The following COL28A1 variants were observed in gnomAD, a reference collection of about 807,000 sequenced individuals.
COL28A1 encodes the protein collagen type XXVIII alpha 1 chain, also known as collagen alpha-1(XXVIII) chain.
COL28A1 carries 161 observed loss-of-function variants against 150.2 expected under a neutral mutation model. That is an observed-to-expected ratio of 1.07 (90% CI 0.94 to 1.22). The LOEUF (loss-of-function observed/expected upper bound fraction) is 1.22. COL28A1 is among the 50% of genes most tolerant of loss of function. COL28A1 has a pLI of 0.00. For synonymous variants in COL28A1, 552 were observed against 469.7 expected (o/e 1.18, Z -2.26); for missense variants, 1,617 against 1,388.3 (o/e 1.16, Z -2.62).
intron 18 of COL28A1, among the ~76,000 whole-genome samples, chr7:7,444,800 G>C (rs957558057): frequency 4.6e-5 from 7 of 152,036 alleles, no homozygotes; most frequent in African/African-American, 1.7e-4. Context: ...TCATTACAGG[G>C]GGGCCCTAAT....
At chr7:7,436,555 A>G (rs1235063122) in intron 22 of COL28A1, 92 bp from the exon 23 acceptor site, 2 of 799,686 alleles carry the variant, frequency 2.5e-6, no homozygotes, top group African/African-American at 3.4e-5. Flanking sequence ...CTCTGTAAAG[A>G]GCTTAATCTG....
intron 30 of COL28A1, among the ~76,000 whole-genome samples, chr7:7,378,020 A>G (rs1231732050): frequency 6.6e-6 from 1 of 152,134 alleles, no homozygotes; most frequent in African/African-American, 2.4e-5. Flanking sequence ...TTGGGAGCTC[A>G]TGAAGATGAC....
chr7:7,496,315 A>T (rs1432396753), intron 11 of COL28A1, among the ~76,000 whole-genome samples: 1 of 152,162 alleles, frequency 6.6e-6, no homozygotes, highest in Non-Finnish European at 1.5e-5. Flanking sequence ...TCAATCATCC[A>T]TGCACCAGAC....
chr7:7,524,376 C>A (rs1225199596), intron 3 of COL28A1, 127 bp from the exon 4 acceptor site: 2 of 674,998 alleles, frequency 3.0e-6, no homozygotes, highest in Non-Finnish European at 5.1e-6. Context: ...CCTTTTTAAA[C>A]TTGTAAAAGC....
chr7:7,438,209 A>G (rs1785488065), intron 21 of COL28A1, among the ~76,000 whole-genome samples: 1 of 152,188 alleles, frequency 6.6e-6, no homozygotes, highest in South Asian at 2.1e-4. Context: ...CTGAGATCGC[A>G]TCACTGCACT....
intron 3 of COL28A1, among the ~76,000 whole-genome samples, chr7:7,527,644 T>C (rs1782103997): frequency 6.6e-6 from 1 of 152,138 alleles, no homozygotes; most frequent in Non-Finnish European, 1.5e-5. Context: ...GGGGGCATGC[T>C]TGAGTTTCAA....
chr7:7,495,552 C>T (rs1252973923), intron 11 of COL28A1, among the ~76,000 whole-genome samples: 1 of 152,166 alleles, frequency 6.6e-6, no homozygotes, highest in African/African-American at 2.4e-5. Flanking sequence ...CTTCCCACCT[C>T]AGGGAAGGGC....
In COL28A1 at chr7:7,520,107, A is replaced by C; in HGVS notation, c.768T>G (p.His256Gln). ...GCTCACCTTTGATACCTGGATTTCC[A>C]TGTGTACCCTGAAGGCAAAGGGAAA... ...DPGDPGPPGT[H>Q]GNPGIKGERG... Residue 256 changes from histidine (H) to glutamine (Q), a missense_variant, in exon 6 of 35, where the codon CAT becomes CAG. Physicochemically the swap from His to Gln is conservative, Grantham distance 24 (BLOSUM62 0). Transcript: ENST00000399429. The C allele has an allele frequency of 7.4e-7, 1 of 1,347,062 alleles. No homozygotes were observed. Among genetic ancestry groups the C allele is most frequent in the Non-Finnish European group, 1.1e-6 (1 of 937,884 alleles). The allele number at this position is 1,347,062 out of a possible 1,614,324, so 83.4% of individuals were successfully genotyped here.
At chr7:7,438,706 A>G (rs1785530205) in intron 21 of COL28A1, among the ~76,000 whole-genome samples, 2 of 152,242 alleles carry the variant, frequency 1.3e-5, no homozygotes, top group African/African-American at 2.4e-5. Flanking sequence ...GCTTATAAAC[A>G]GAAATTACAA....
chr7:7,477,743 A>G (rs1789026723), intron 13 of COL28A1, among the ~76,000 whole-genome samples: 1 of 152,222 alleles, frequency 6.6e-6, no homozygotes, highest in South Asian at 2.1e-4. Flanking sequence ...TACAGCAAAC[A>G]GCAAAAGAAC....
In COL28A1 at chr7:7,395,632, T is replaced by C. The variant is rs534368054; in HGVS notation, c.2137-14020A>G. Among the ~76,000 whole-genome samples the C allele has an allele frequency of 4.6e-5, 7 of 152,194 alleles. No individual in the cohort carries two copies. The South Asian group carries it at 6.2e-4, about 14-fold the overall frequency. On this transcript the variant is annotated intron_variant, in intron 27 of 34. Transcript: ENST00000399429. ...CCATCAGTTATAGTCAATTGGAACA[T>C]GGTTGGTTGAGAGCACTTGCTGTAA...
At chr7:7,339,890 G>A in the COL28A1 span, among the ~76,000 whole-genome samples, 1 of 152,158 alleles carries the variant, frequency 6.6e-6, no homozygotes, top group East Asian at 1.9e-4. Flanking sequence ...ATCAGGACTA[G>A]AAATAACATT....
chr7:7,349,578 C>G, the COL28A1 span, among the ~76,000 whole-genome samples: 10 of 152,080 alleles, frequency 6.6e-5, no homozygotes, highest in African/African-American at 2.4e-4. Context: ...AGTATTTTCC[C>G]GTCCATCCTG....
At chr7:7,474,533 GTACA>G (rs1788712100) in intron 15 of COL28A1, 64 bp downstream of exon 15, 8 of 807,072 alleles carry the variant, frequency 9.9e-6, no homozygotes, top group Non-Finnish European at 6.5e-6. Context: ...GTTCAGAAAT[GTACA>G]TACATAAAGA....
chr7:7,439,823 G>T (rs1583375934), intron 21 of COL28A1, among the ~76,000 whole-genome samples: 1 of 152,178 alleles, frequency 6.6e-6, no homozygotes, highest in East Asian at 1.9e-4. Flanking sequence ...AGCTGAGGAT[G>T]GTAACAAGAA....
At chr7:7,360,235 G>C (rs1780573109) in intron 34 of COL28A1, among the ~76,000 whole-genome samples, 155 bp downstream of exon 34, 1 of 152,182 alleles carries the variant, frequency 6.6e-6, no homozygotes, top group South Asian at 2.1e-4. Flanking sequence ...TGTCCTGCTT[G>C]TTTAGAATCA....
intron 14 of COL28A1, among the ~76,000 whole-genome samples, chr7:7,475,673 A>G (rs1788809199): frequency 6.6e-6 from 1 of 152,190 alleles, no homozygotes; most frequent in Non-Finnish European, 1.5e-5. Flanking sequence ...TCTTTAAAAA[A>G]CACAGATTTT....
chr7:7,476,700 T>A (rs1380866216), intron 14 of COL28A1, among the ~76,000 whole-genome samples: 1 of 152,238 alleles, frequency 6.6e-6, no homozygotes. Flanking sequence ...TAAAATTTTC[T>A]TTCTTATTAT....
At chr7:7,400,981 T>TGG (rs1783155968) in intron 27 of COL28A1, among the ~76,000 whole-genome samples, 2 of 114,254 alleles carry the variant, frequency 1.8e-5, no homozygotes, top group African/African-American at 4.0e-5. Context: ...TTTGGGTGTG[T>TGG]GTGTGTGTGT....
Sources: allele counts gnomAD v4.1 joint callset (sites outside exome capture counted in the v4.1 genomes callset), GRCh38; gene constraint gnomAD v4.1.1; transcripts MANE v1.5; gene names NCBI Gene and HGNC (gene_info 2026-07-23, HGNC 2026-07-21).